SLIT1: variants seen among roughly 807,000 people sequenced by gnomAD.
SLIT1 encodes slit guidance ligand 1, also known as slit homolog 1 protein.
A neutral mutation model predicts 186.1 loss-of-function variants in SLIT1; 66 were observed. The observed-to-expected ratio is 0.35, with a 90% CI of 0.29 to 0.44. SLIT1 has a LOEUF of 0.44. Ranked by LOEUF, SLIT1 falls within the 20% of genes least tolerant of loss-of-function variation. The probability of loss-of-function intolerance (pLI) is 1.00; values close to 1 mark genes in which losing one functional copy is unlikely to be tolerated. For synonymous variants in SLIT1, 761 were observed against 833.8 expected (o/e 0.91, Z 1.50); for missense variants, 1,638 against 2,037.4 (o/e 0.80, Z 3.77).
chr10:97,147,889 A>G, intron 4 of SLIT1, among the ~76,000 whole-genome samples: 1 of 152,178 alleles, frequency 6.6e-6, no homozygotes, highest in African/African-American at 2.4e-5. Context: ...CTTCCACTGG[A>G]GTCCAGTTCT....
At chr10:97,075,393 C>T (rs2636806) in intron 4 of SLIT1, among the ~76,000 whole-genome samples, 143,071 of 152,304 alleles carry the variant, frequency 0.94, 67,929 homozygotes, top group East Asian at 1. Context: ...TTAATAATTG[C>T]CTTTTGGGCT....
intron 4 of SLIT1, among the ~76,000 whole-genome samples, chr10:97,128,937 C>A (rs1236288986): frequency 1.3e-5 from 2 of 149,636 alleles, no homozygotes; most frequent in African/African-American, 2.4e-5. Flanking sequence ...AAAAAAAAAT[C>A]TTAGGAAAGA....
rs1564692188 is a variant in SLIT1, at chr10:97,164,983, A to G, written c.198-93T>C. 16 of 937,096 alleles carry G rather than the reference A, an allele frequency of 1.7e-5. 1 individual carries two copies. In the South Asian group the frequency reaches 2.1e-4, roughly 12 times the overall value. The allele number at this position is 937,096 out of a possible 1,614,324, so 58.0% of individuals were successfully genotyped here. The stretch of plus-strand genomic sequence containing the variant: ...TCCAGGTGCCCTCCCCGCCTGGATC[A>G]GCCAGTCGTCTCATCAGCGGGGCTG... On this transcript the variant is annotated intron_variant, in intron 1 of 36. Transcript: ENST00000266058.
Position 97,019,098 on chromosome 10 carries a change from G to C in SLIT1, c.2756C>G (p.Thr919Arg), listed in dbSNP as rs770623464. 6.2e-7 allele frequency: 1 copy of C among 1,608,078 alleles called. No homozygotes were observed. Among genetic ancestry groups the C allele is most frequent in the South Asian group, 1.1e-5 (1 of 90,896 alleles). The stretch of plus-strand genomic sequence containing the variant: ...ATCACACTTGGCCTGGACAGCCAGC[G>C]TTGGAGGACCTGCAGCAAGGGGAGG... ...AKKFECQGPP[T>R]LAVQAKCDLC... Residue 919 changes from threonine (T) to arginine (R), a missense_variant, in exon 27 of 37, where the codon ACG (threonine) becomes AGG (arginine). Thr to Arg is a moderately conservative substitution (Grantham distance 71, BLOSUM62 -1). Around this residue, in one of 3 missense-constraint regions of SLIT1, gnomAD observed 1,245 missense variants for 1,535.3 expected, o/e 0.81. Coordinates refer to ENST00000266058, the MANE Select transcript of SLIT1 (RefSeq NM_003061.3).
chr10:97,079,881 T>C (rs1849086341), intron 4 of SLIT1, among the ~76,000 whole-genome samples: 1 of 152,114 alleles, frequency 6.6e-6, no homozygotes. Context: ...TTCCAGGTCA[T>C]GGGGTAGAAC....
At chr10:97,029,423 G>A (rs192849052) in intron 25 of SLIT1, among the ~76,000 whole-genome samples, 1 of 152,288 alleles carries the variant, frequency 6.6e-6, no homozygotes, top group East Asian at 1.9e-4. Flanking sequence ...CTTGAGGATG[G>A]GGCTGACAGC....
chr10:97,049,056 C>T lies in SLIT1; in HGVS notation c.1364G>A (p.Arg455His), dbSNP rs755172974. 58 of 1,613,426 alleles carry T rather than the reference C, an allele frequency of 3.6e-5. No homozygotes were observed. Among genetic ancestry groups the T allele is most frequent in the East Asian group, 1.3e-4 (6 of 44,888 alleles). ...CNLKWLADFL[R>H]TNPIETSGAR... Reference sequence around the variant, plus strand: ...ACCACTCGTCTCGATGGGATTGGTGCGCAGGAAGTCTGCCAGCCACTTGAG... The same window carrying T: ...ACCACTCGTCTCGATGGGATTGGTGTGCAGGAAGTCTGCCAGCCACTTGAG... Residue 455 changes from arginine (R) to histidine (H), a missense_variant, in exon 14 of 37, where the codon CGC becomes CAC. Physicochemically the swap from Arg to His is conservative, Grantham distance 29 (BLOSUM62 0). Transcript: ENST00000266058.
Position 97,064,236 on chromosome 10 carries a change from G to T in SLIT1, c.561C>A (p.Thr187=). 2 of 1,613,474 alleles carry T rather than the reference G, an allele frequency of 1.2e-6. No homozygotes were observed. Among genetic ancestry groups the T allele is most frequent in the Non-Finnish European group, 1.7e-6 (2 of 1,179,714 alleles). ...TGGTGGTGATATTGTTGTTGTTCAG[G>T]GTCCTAAATGGGAAAAACCAGAGTC... The part of the protein sequence containing the change: ...FRALRGLEVL[T]LNNNNITTIP... The change falls in exon 7 of 37, where the codon ACC becomes ACA. Residue 187 remains threonine, a synonymous_variant. Transcript: ENST00000266058.
intron 1 of SLIT1, among the ~76,000 whole-genome samples, chr10:97,179,800 T>TCCCCCCC (rs150754287): frequency 6.3e-5 from 8 of 126,370 alleles, no homozygotes; most frequent in Non-Finnish European, 8.8e-5. Context: ...CTCCACACCC[T>TCCCCCCC]CCCCGCCCCC....
At chr10:97,170,581 C>T (rs186415079) in intron 1 of SLIT1, among the ~76,000 whole-genome samples, 2 of 152,178 alleles carry the variant, frequency 1.3e-5, no homozygotes, top group Non-Finnish European at 2.9e-5. Flanking sequence ...CCAGGGAAGA[C>T]GCCCTAAGCG....
rs532984995 is a variant in SLIT1 at position 96,998,994 on chromosome 10, T to G, written c.*2118A>C. 1.3e-5 allele frequency: 2 copies of G among 152,414 alleles called. No individual in the cohort carries two copies. The highest frequency in any genetic ancestry group is 2.1e-4 in the South Asian group (1 of 4,826). 9.4% of individuals were successfully genotyped at this position (152,414 alleles called of 1,614,324 possible). ...GGAATGGTGGTGGCCAGGAAAGCTA[T>G]CTTTCTCAGGGTTGGTGAGTCCCAG... On this transcript the variant is annotated 3_prime_UTR_variant, in exon 37 of 37. Transcript: ENST00000266058.
At chr10:97,040,257 G>T in intron 20 of SLIT1, 137 bp from the exon 21 acceptor site, 1 of 869,658 alleles carries the variant, frequency 1.1e-6, no homozygotes, top group Non-Finnish European at 1.7e-6. Context: ...GTAAGTCTGT[G>T]CACTACACCT....
chr10:97,067,555 T>C (rs910941264), intron 4 of SLIT1, among the ~76,000 whole-genome samples: 1 of 152,150 alleles, frequency 6.6e-6, no homozygotes, highest in African/African-American at 2.4e-5. Context: ...AGCTGGTGGG[T>C]GGTGGCTCCA....
chr10:97,079,869 A>C (rs756567656), intron 4 of SLIT1, among the ~76,000 whole-genome samples: 2 of 152,118 alleles, frequency 1.3e-5, no homozygotes, highest in African/African-American at 4.8e-5. Flanking sequence ...CTGGGACAAG[A>C]CTTCCAGGTC....
intron 1 of SLIT1, among the ~76,000 whole-genome samples, chr10:97,173,481 T>TC (rs1850217063): frequency 6.8e-6 from 1 of 146,536 alleles, no homozygotes; most frequent in African/African-American, 2.5e-5. Context: ...TGGGCTGGAA[T>TC]CCCAGCTCCA....
chr10:97,062,729 A>G (rs1162773617), intron 8 of SLIT1, among the ~76,000 whole-genome samples: 9 of 152,334 alleles, frequency 5.9e-5, no homozygotes, highest in African/African-American at 1.7e-4. Context: ...AGCAGGAGGC[A>G]GGGGAGGCAG....
chr10:97,064,985 C>T (rs867043565), intron 5 of SLIT1, 109 bp from the exon 6 acceptor site: 10 of 732,494 alleles, frequency 1.4e-5, no homozygotes, highest in African/African-American at 5.4e-5. Context: ...CACCCCTAGC[C>T]GTTTGTTATG....
chr10:97,059,453 T>C lies in SLIT1; in HGVS notation c.1085+7A>G, dbSNP rs150358592. 1 of 1,612,690 alleles carries C rather than the reference T, an allele frequency of 6.2e-7. No homozygotes were observed. The highest frequency in any genetic ancestry group is 8.5e-7 in the Non-Finnish European group (1 of 1,179,242). ...GCCACTGAGGAAGCCTTGGCACTGC[T>C]ACTCACAGCGAGTTCAGGGAGCGGA... On this transcript the variant is annotated splice_region_variant and intron_variant, in intron 11 of 36. Coordinates refer to ENST00000266058, the MANE Select transcript of SLIT1 (RefSeq NM_003061.3).
At chr10:97,119,399 AG>A (rs1194263874) in intron 4 of SLIT1, among the ~76,000 whole-genome samples, 1 of 152,198 alleles carries the variant, frequency 6.6e-6, no homozygotes, top group Admixed American at 6.5e-5. Flanking sequence ...CTTCAATTAC[AG>A]GGACAAAATG....
Sources: gnomAD v4.1 joint callset for allele counts (sites outside exome capture counted in the v4.1 genomes callset) on GRCh38, gnomAD v4.1.1 for gene constraint, gnomAD v4.1.1 regional missense constraint, MANE v1.5 for transcripts, NCBI Gene and HGNC (gene_info 2026-07-23, HGNC 2026-07-21) for gene names.